SGCD: variants seen among roughly 807,000 people sequenced by gnomAD.
SGCD encodes the protein delta-sarcoglycan.
A neutral mutation model predicts 36.6 loss-of-function variants in SGCD; 18 were observed. That is an observed-to-expected ratio of 0.49 (90% CI 0.34 to 0.73). The LOEUF is 0.73. Ranked by LOEUF, SGCD falls within the 30% of genes least tolerant of loss-of-function variation. The pLI is 0.01. For synonymous variants in SGCD, 133 were observed against 130.6 expected, an observed-to-expected ratio of 1.02 and a Z score of -0.12; for missense variants, 387 against 346.7, an observed-to-expected ratio of 1.12 and a Z score of -0.92.
chr5:156,316,456 C>G (rs1767519868), intron 3 of SGCD, among the ~76,000 whole-genome samples: 1 of 151,736 alleles, frequency 6.6e-6, no homozygotes, highest in South Asian at 2.1e-4. Context: ...TAGGAAAACA[C>G]AAAAATAATA....
chr5:156,046,205 G>C (rs1021006772), intron 1 of SGCD, among the ~76,000 whole-genome samples: 7 of 152,032 alleles, frequency 4.6e-5, no homozygotes, highest in African/African-American at 1.4e-4. Flanking sequence ...TATTAGACTA[G>C]AATTAATGAA....
intron 4 of SGCD, among the ~76,000 whole-genome samples, chr5:156,532,223 G>A (rs564774681): frequency 1.2e-3 from 184 of 152,312 alleles, no homozygotes; most frequent in African/African-American, 4.2e-3. Flanking sequence ...GTGTTCCTAA[G>A]TGTCTGCAGG....
chr5:156,645,183 C>T (rs573556662), intron 6 of SGCD, among the ~76,000 whole-genome samples: 1 of 152,204 alleles, frequency 6.6e-6, no homozygotes. Flanking sequence ...TTCACTCAAA[C>T]TGTTTATGAA....
the SGCD span, among the ~76,000 whole-genome samples, chr5:155,839,338 A>C: frequency 1.3e-5 from 2 of 152,142 alleles, no homozygotes; most frequent in African/African-American, 4.8e-5. Flanking sequence ...GTCCTTGTTT[A>C]TGGGAGGCCA....
chr5:156,554,502 G>T (rs186203128), intron 4 of SGCD, among the ~76,000 whole-genome samples: 22 of 150,952 alleles, frequency 1.5e-4, no homozygotes, highest in Admixed American at 8.6e-4. Context: ...AGGTATGCAG[G>T]TATAGGAAAA....
chr5:155,867,316 G>A (rs1755542941), upstream of SGCD, among the ~76,000 whole-genome samples: 1 of 152,300 alleles, frequency 6.6e-6, no homozygotes, highest in East Asian at 1.9e-4. Flanking sequence ...CACTGAAAGT[G>A]TGGTAATTGG....
chr5:156,222,144 C>G (rs756195782), intron 3 of SGCD, among the ~76,000 whole-genome samples: 8 of 151,882 alleles, frequency 5.3e-5, no homozygotes, highest in Non-Finnish European at 8.8e-5. Context: ...TAGAAGAGGC[C>G]GCTTCTAAAA....
intron 2 of SGCD, among the ~76,000 whole-genome samples, chr5:156,331,195 C>T (rs1255802166): frequency 6.6e-6 from 1 of 152,164 alleles, no homozygotes; most frequent in African/African-American, 2.4e-5. Context: ...GCCCAAATTT[C>T]TCTAGAAATT....
At chr5:156,514,726 G>T (rs1011161549) in intron 4 of SGCD, among the ~76,000 whole-genome samples, 22 of 152,212 alleles carry the variant, frequency 1.4e-4, no homozygotes, top group African/African-American at 5.3e-4. Flanking sequence ...GTGCTGCCTT[G>T]TTGGACTTGG....
chr5:155,769,554 A>G, the SGCD span, among the ~76,000 whole-genome samples: 1,394 of 152,186 alleles, frequency 9.2e-3, 20 homozygotes, highest in African/African-American at 0.032. Context: ...AATGGTAGCC[A>G]GGATGGAACC....
At chr5:156,695,116 GTGTGTGTGTGTGTGTGTGTGTT>G (rs1305127217) in intron 7 of SGCD, among the ~76,000 whole-genome samples, 12 of 103,440 alleles carry the variant, frequency 1.2e-4, no homozygotes, top group African/African-American at 2.3e-4. Context: ...CTGTGTTTGT[GTGTGTGTGTGTGTGTGTGTGTT>G]TGTGTGTGTG....
At chr5:156,217,816 T>A (rs1764611364) in intron 3 of SGCD, among the ~76,000 whole-genome samples, 1 of 151,982 alleles carries the variant, frequency 6.6e-6, no homozygotes, top group Non-Finnish European at 1.5e-5. Flanking sequence ...TATGTATGTA[T>A]ATATATATAC....
At chr5:155,918,444 T>C (rs1165220272) in intron 1 of SGCD, among the ~76,000 whole-genome samples, 4 of 152,092 alleles carry the variant, frequency 2.6e-5, no homozygotes, top group Admixed American at 6.5e-5. Context: ...GCATCTGTAA[T>C]CCCAGCTACT....
intron 7 of SGCD, among the ~76,000 whole-genome samples, chr5:156,753,682 C>G (rs1757234849): frequency 1.3e-5 from 2 of 152,170 alleles, no homozygotes; most frequent in Admixed American, 1.3e-4. Context: ...GAACCTTCTT[C>G]ACAAGGTGGC....
the SGCD span, among the ~76,000 whole-genome samples, chr5:155,750,119 G>T: frequency 3.9e-5 from 6 of 152,090 alleles, no homozygotes; most frequent in Admixed American, 3.9e-4. Context: ...TAGTCTGTCT[G>T]GGGAGGTGAA....
At chr5:156,280,286 A>G (rs1766419770) in intron 3 of SGCD, among the ~76,000 whole-genome samples, 1 of 152,204 alleles carries the variant, frequency 6.6e-6, no homozygotes, top group Admixed American at 6.5e-5. Context: ...TTGTATTAAT[A>G]GGTATCCAAT....
rs1303649944 is a variant in SGCD, at chr5:156,396,073, C to T, written c.192+51396C>T. Among the ~76,000 whole-genome samples, 7 of 152,202 alleles carry T rather than the reference C, an allele frequency of 4.6e-5. No homozygotes were observed. In the East Asian group the frequency reaches 1.3e-3, roughly 29 times the overall value. On this transcript the variant is annotated intron_variant, in intron 3 of 8. Transcript: ENST00000337851. The stretch of plus-strand genomic sequence containing the variant: ...CTCAGAAGAACTGAAGTCAAGCTAC[C>T]TGGGTAACTGAACCCTTTTTATGAA...
At chr5:156,740,058 A>ATGAG (rs1416363647) in intron 7 of SGCD, among the ~76,000 whole-genome samples, 3 of 152,328 alleles carry the variant, frequency 2.0e-5, no homozygotes, top group Non-Finnish European at 4.4e-5. Context: ...AAAATAGAAG[A>ATGAG]TGAGTCACAA....
chr5:156,205,472 T>G (rs1258124103), intron 3 of SGCD, among the ~76,000 whole-genome samples: 9 of 152,072 alleles, frequency 5.9e-5, no homozygotes, highest in Admixed American at 5.9e-4. Flanking sequence ...TTGTTGCAGA[T>G]TTTGAAAGAC....
Sources: gnomAD v4.1 joint callset for allele counts (sites outside exome capture counted in the v4.1 genomes callset) on GRCh38, gnomAD v4.1.1 for gene constraint, MANE v1.5 for transcripts, NCBI Gene and HGNC (gene_info 2026-07-23, HGNC 2026-07-21) for gene names.